Variants in MOB2 observed in about 807,000 individuals in gnomAD.
MOB2 encodes the protein MOB2 Mps One Binder homolog.
In MOB2, 14 loss-of-function variants were observed where a neutral mutation model predicts 27.4. The ratio of observed to expected loss-of-function variants is 0.51; its 90% CI spans 0.34 to 0.80. The LOEUF (loss-of-function observed/expected upper bound fraction) is 0.80, where lower values mean the gene tolerates loss of function less well. Ranked by LOEUF, MOB2 falls within the 30% of genes least tolerant of loss-of-function variation. MOB2 has a pLI of 0.01. For synonymous variants in MOB2, 167 were observed against 151.8 expected, an observed-to-expected ratio of 1.10 and a Z score of -0.74; for missense variants, 304 against 354.6, an observed-to-expected ratio of 0.86 and a Z score of 1.15.
chr11:1,486,378 C>T (rs549147809), intron 1 of MOB2, 69 bp downstream of exon 1: 1 of 1,274,316 alleles, frequency 7.8e-7, no homozygotes, highest in South Asian at 1.3e-5. Flanking sequence ...TGACCTCCTT[C>T]CTGGGGGCAA....
chr11:1,474,130 C>T (rs1300105073), intron 3 of MOB2, among the ~76,000 whole-genome samples: 1 of 152,252 alleles, frequency 6.6e-6, no homozygotes, highest in African/African-American at 2.4e-5. Context: ...GGCAGGTGGA[C>T]ATGGGTCTGC....
At chr11:1,480,339 A>G (rs1847896439) in intron 3 of MOB2, 54 bp downstream of exon 3, 2 of 1,520,756 alleles carry the variant, frequency 1.3e-6, no homozygotes, top group Non-Finnish European at 9.1e-7. Flanking sequence ...GCGGGGGCTC[A>G]GAGCCCCACC....
At chr11:1,474,686 C>A (rs1280315989) in intron 3 of MOB2, among the ~76,000 whole-genome samples, 3 of 152,202 alleles carry the variant, frequency 2.0e-5, no homozygotes, top group Non-Finnish European at 4.4e-5. Context: ...TCCATCCACA[C>A]GTTTGTGTGG....
Position 1,480,881 on chromosome 11 carries a change from A to G in MOB2, c.115T>C (p.Ser39Pro). Residue 39 changes from serine (S) to proline (P), a missense_variant, in exon 2 of 5, where the codon TCC becomes CCC. Coordinates refer to ENST00000329957, the MANE Select transcript of MOB2 (RefSeq NM_001172223.3). ...LQAVSKVLRK[S>P]KAKPNGKKPA... is the part of the protein sequence containing the mutation. ...TTCTTGCCATTAGGCTTGGCTTTGG[A>G]CTTCCTGCCAAGAGAGGAGACGCGG... 1.3e-6 allele frequency: 2 copies of G among 1,554,582 alleles called. No individual in the cohort carries two copies. Among genetic ancestry groups the G allele is most frequent in the Non-Finnish European group, 1.7e-6 (2 of 1,149,264 alleles).
Position 1,470,079 on chromosome 11 carries a change from G to A in MOB2, c.*93C>T, listed in dbSNP as rs572956868. 212 of 1,542,448 alleles carry A rather than the reference G, an allele frequency of 1.4e-4. No individual in the cohort carries two copies. In the East Asian group the frequency reaches 2.1e-3, roughly 15 times the overall value. ...GGGGCCCTCTCAGACCTCACCACAC[G>A]CGTGCCCAGCACATGTGTGCACACG... On this transcript the variant is annotated 3_prime_UTR_variant, in exon 5 of 5. Transcript: ENST00000329957.
intron 3 of MOB2, chr11:1,473,550 G>A (rs551119560): frequency 6.6e-6 from 1 of 152,344 alleles, no homozygotes; most frequent in African/African-American, 2.4e-5. Flanking sequence ...GACACTGCAA[G>A]CTGACATCTG....
At position 1,480,803 on chromosome 11, in the gene MOB2, T is replaced by C; in HGVS notation, c.193A>G (p.Arg65Gly). The change falls in exon 2 of 5, where the codon AGG (arginine) becomes GGG (glycine). Residue 65 changes from arginine to glycine, a missense_variant. Arg to Gly is a moderately radical substitution (Grantham distance 125, BLOSUM62 -2). Coordinates refer to ENST00000329957, the MANE Select transcript of MOB2 (RefSeq NM_001172223.3). ...AYLEPEHTKA[R>G]ITDFQFKELV... ...TCCTTGAACTGGAAGTCGGTGATCCTGGCCTTGGTGTGCTCAGGCTCCAGG... is the reference window on the plus strand; with the variant it reads ...TCCTTGAACTGGAAGTCGGTGATCCCGGCCTTGGTGTGCTCAGGCTCCAGG... 2 of 1,594,346 alleles carry C rather than the reference T, an allele frequency of 1.3e-6. No homozygotes were observed. The highest frequency in any genetic ancestry group is 1.7e-6 in the Non-Finnish European group (2 of 1,170,938).
rs369443642 is a variant in MOB2, at chr11:1,471,323, C to T, written c.462G>A (p.Thr154=). 1.6e-4 allele frequency: 255 copies of T among 1,613,386 alleles called. No individual in the cohort carries two copies. Among genetic ancestry groups the T allele is most frequent in the South Asian group, 3.6e-4 (33 of 91,076 alleles). The change falls in exon 4 of 5, where the codon ACG becomes ACA. Residue 154 remains threonine, a synonymous_variant. Coordinates refer to ENST00000329957, the MANE Select transcript of MOB2 (RefSeq NM_001172223.3). ...ATTTTGTGGGGAACACGTCCTCATC[C>T]GTCACCAGCTTCTGCACGGAGCTCA... ...FVMSSVQKLV[T]DEDVFPTKYG...
At chr11:1,481,985 C>T (rs1390599486) in intron 1 of MOB2, among the ~76,000 whole-genome samples, 2 of 152,226 alleles carry the variant, frequency 1.3e-5, no homozygotes, top group East Asian at 3.9e-4. Context: ...AGACTCCACA[C>T]CAGCCTGTGC....
Position 1,470,448 on chromosome 11 carries a change from C to T in MOB2, c.531G>A (p.Lys177=). ...GCACGTGGAACAGGTGTCTGCAGAT[C>T]TTCCTCACCAGGGACTCAAAGGAGC... ...FPSSFESLVR[K]ICRHLFHVLA... The change falls in exon 5 of 5, where the codon AAG becomes AAA. Residue 177 remains lysine (K), a synonymous_variant. Coordinates refer to ENST00000329957, the MANE Select transcript of MOB2 (RefSeq NM_001172223.3). The T allele has an allele frequency of 6.2e-7, 1 of 1,613,540 alleles. No homozygotes were observed. The highest frequency in any genetic ancestry group is 8.5e-7 in the Non-Finnish European group (1 of 1,179,788).
chr11:1,473,942 G>A (rs755323350), intron 3 of MOB2, among the ~76,000 whole-genome samples: 1 of 149,010 alleles, frequency 6.7e-6, no homozygotes, highest in Non-Finnish European at 1.5e-5. Flanking sequence ...TTGCACGGAG[G>A]CCCCTGGGAT....
chr11:1,482,515 C>T (rs1038579576), intron 1 of MOB2, among the ~76,000 whole-genome samples: 17 of 152,318 alleles, frequency 1.1e-4, no homozygotes, highest in Non-Finnish European at 2.2e-4. Flanking sequence ...GCCGCCACTC[C>T]GGCACTGGCA....
intron 1 of MOB2, among the ~76,000 whole-genome samples, chr11:1,485,842 C>G (rs1480160121): frequency 6.6e-6 from 1 of 152,242 alleles, no homozygotes; most frequent in Non-Finnish European, 1.5e-5. Flanking sequence ...ACCCCCGCAG[C>G]AGGTCAGAGA....
In MOB2 at chr11:1,486,737, C is replaced by T. The variant is rs907028973; in HGVS notation, c.-181G>A. 2.5e-5 allele frequency: 14 copies of T among 568,656 alleles called. No individual in the cohort carries two copies. Among genetic ancestry groups the T allele is most frequent in the South Asian group, 4.1e-5 (2 of 49,300 alleles). The allele number at this position is 568,656 out of a possible 1,614,324, so 35.2% of individuals were successfully genotyped here. On this transcript the variant is annotated 5_prime_UTR_variant, in exon 1 of 5. Coordinates refer to ENST00000329957, the MANE Select transcript of MOB2 (RefSeq NM_001172223.3). ...GGCCAAGGCTGGTGAAACGAGGGAG[C>T]GTCTGAATTGGCCTTTTCCAAGTGG...
chr11:1,469,969 G>T lies in MOB2; in HGVS notation c.*203C>A, dbSNP rs187099200. ...GGCCCAAAGGCTCTTCTCTACAAACGGCACGCATCCATCCGACAGGGGGCC... is the reference window on the plus strand; with the variant it reads ...GGCCCAAAGGCTCTTCTCTACAAACTGCACGCATCCATCCGACAGGGGGCC... On this transcript the variant is annotated 3_prime_UTR_variant, in exon 5 of 5. Coordinates refer to ENST00000329957, the MANE Select transcript of MOB2 (RefSeq NM_001172223.3). 2.3e-6 allele frequency: 3 copies of T among 1,294,152 alleles called. No homozygotes were observed. The highest frequency in any genetic ancestry group is 2.2e-6 in the Non-Finnish European group (2 of 926,762). 80.2% of individuals were successfully genotyped at this position (1,294,152 alleles called of 1,614,324 possible).
At chr11:1,480,514 T>C (rs761973240) in intron 2 of MOB2, 28 bp from the exon 3 acceptor site, 1 of 1,610,164 alleles carries the variant, frequency 6.2e-7, no homozygotes, top group Non-Finnish European at 8.5e-7. Context: ...GAGCCAGATG[T>C]GAAAAACGCC....
chr11:1,480,730 C>T lies in MOB2; in HGVS notation c.266G>A (p.Ser89Asn). ...REIDLNEWLA[S>N]NTTTFFHHIN... ...GCCCCCAGGCCCCCGCGCACTGTTG[C>T]TGGCCAGCCACTCGTTAAGGTCAAT... The change falls in exon 2 of 5, where the codon AGC (serine) becomes AAC (asparagine). Residue 89 changes from serine (S) to asparagine (N), a missense_variant. Coordinates refer to ENST00000329957, the MANE Select transcript of MOB2 (RefSeq NM_001172223.3). 3.7e-6 allele frequency: 6 copies of T among 1,603,656 alleles called. No homozygotes were observed. Among genetic ancestry groups the T allele is most frequent in the Non-Finnish European group, 4.3e-6 (5 of 1,176,028 alleles).
chr11:1,481,950 C>G (rs1464642579), intron 1 of MOB2, among the ~76,000 whole-genome samples: 3 of 152,172 alleles, frequency 2.0e-5, no homozygotes, highest in African/African-American at 7.2e-5. Flanking sequence ...CCTGCAGCCC[C>G]TCGCCCCAGC....
At position 1,471,306 on chromosome 11, in the gene MOB2, G is replaced by T; in HGVS notation, c.479C>A (p.Pro160His). Residue 160 changes from proline to histidine, a missense_variant, in exon 4 of 5, where the codon CCC (proline) becomes CAC (histidine). By Grantham distance (77) the Pro-to-His change is moderately conservative. Transcript: ENST00000329957. ...TGGGGGAGACGAACCGTATTTTGTG[G>T]GGAACACGTCCTCATCCGTCACCAG... ...QKLVTDEDVF[P>H]TKYGREFPSS... The T allele has an allele frequency of 6.2e-7, 1 of 1,612,858 alleles. No homozygotes were observed.
Sources: allele counts gnomAD v4.1 joint callset (sites outside exome capture counted in the v4.1 genomes callset), GRCh38; gene constraint gnomAD v4.1.1; transcripts MANE v1.5; gene names NCBI Gene and HGNC (gene_info 2026-07-23, HGNC 2026-07-21).